Variants in C1QTNF7 observed in about 807,000 individuals in gnomAD.
The protein encoded by C1QTNF7 is complement C1q tumor necrosis factor-related protein 7.
C1QTNF7 carries 15 observed loss-of-function variants against 19.6 expected under a neutral mutation model. That is an observed-to-expected ratio of 0.76 (90% CI 0.51 to 1.18). The LOEUF (loss-of-function observed/expected upper bound fraction) is 1.18. Among genes scored for constraint, C1QTNF7 ranks in the 50% most tolerant of loss-of-function variants. C1QTNF7 has a pLI of 0.00. For synonymous variants in C1QTNF7, 142 were observed against 137.5 expected, an observed-to-expected ratio of 1.03 and a Z score of -0.23; for missense variants, 324 against 359.7, an observed-to-expected ratio of 0.90 and a Z score of 0.80.
intron 1 of C1QTNF7, among the ~76,000 whole-genome samples, chr4:15,406,112 C>G (rs1037546332): frequency 6.6e-6 from 1 of 152,208 alleles, no homozygotes; most frequent in African/African-American, 2.4e-5. Flanking sequence ...GCAGCACTTA[C>G]GCTGTTGGAA....
intron 1 of C1QTNF7, among the ~76,000 whole-genome samples, chr4:15,395,854 A>G (rs573241938): frequency 5.3e-5 from 8 of 152,268 alleles, no homozygotes; most frequent in East Asian, 3.9e-4. Flanking sequence ...TCCTGCCCCT[A>G]TGGTCATCTG....
chr4:15,420,702 G>T (rs1323980680), intron 1 of C1QTNF7, among the ~76,000 whole-genome samples: 1 of 152,062 alleles, frequency 6.6e-6, no homozygotes, highest in Non-Finnish European at 1.5e-5. Context: ...TCACATGGCT[G>T]GACAATGATG....
chr4:15,343,810 A>T (rs1371532698), intron 1 of C1QTNF7, among the ~76,000 whole-genome samples: 1 of 152,218 alleles, frequency 6.6e-6, no homozygotes, highest in East Asian at 1.9e-4. Context: ...TGCCGACTAC[A>T]ATAGAATTAA....
rs549872576 is a variant in C1QTNF7 at position 15,408,931 on chromosome 4, G to A, written c.14-26805G>A. Among the ~76,000 whole-genome samples, 16 of 152,206 alleles carry A rather than the reference G, an allele frequency of 1.1e-4. No individual in the cohort carries two copies. The South Asian group carries it at 3.1e-3, about 30-fold the overall frequency. On this transcript the variant is annotated intron_variant, in intron 1 of 2. Coordinates refer to the C1QTNF7 transcript ENST00000295297. ...GAATTCCCAGCCTCCAGAACTGTGG[G>A]AAATAAATGTCTGTTATTTAAGCCA...
intron 1 of C1QTNF7, among the ~76,000 whole-genome samples, chr4:15,372,492 C>A (rs921210234): frequency 1.3e-5 from 2 of 152,190 alleles, no homozygotes; most frequent in Non-Finnish European, 2.9e-5. Flanking sequence ...GTTTATGCCA[C>A]CCAGTCTATG....
rs1446260861 is a variant in C1QTNF7 at position 15,442,630 on chromosome 4, CCA to C, written c.704_705del (p.Thr235SerfsTer9). 6.2e-7 allele frequency: 1 copy of C among 1,614,202 alleles called. No homozygotes were observed. Among genetic ancestry groups the C allele is most frequent in the East Asian group, 2.2e-5 (1 of 44,890 alleles). On this transcript the variant is annotated frameshift_variant, in exon 3 of 3. Transcript: ENST00000444304. LOFTEE classifies it high-confidence loss of function. Reference sequence around the variant, plus strand: ...GGAAACCATGATGTGGCTTCGGGGTCCACAGTCATCTATCTGCAGCCAGAAGA... The same window carrying C: ...GGAAACCATGATGTGGCTTCGGGGTCCAGTCATCTATCTGCAGCCAGAAGA...
rs2108946750 is a variant in C1QTNF7, at chr4:15,445,579, A to C, written c.*2780A>C. The C allele has an allele frequency of 6.6e-6, 1 of 152,314 alleles. No homozygotes were observed. Among genetic ancestry groups the C allele is most frequent in the Non-Finnish European group, 1.5e-5 (1 of 68,040 alleles). 9.4% of individuals were successfully genotyped at this position (152,314 alleles called of 1,614,324 possible). A position where few individuals can be genotyped will look rare whatever the true frequency, so the allele number is the denominator to read the frequency against. On this transcript the variant is annotated 3_prime_UTR_variant, in exon 3 of 3. Transcript: ENST00000444304. Reference sequence around the variant, plus strand: ...AATATCTGGTGGGATGGTAATGGGGATTAGAGAACTGACATGAGAAAAGAG... The same window carrying C: ...AATATCTGGTGGGATGGTAATGGGGCTTAGAGAACTGACATGAGAAAAGAG...
intron 1 of C1QTNF7, among the ~76,000 whole-genome samples, chr4:15,431,670 C>A (rs1378324531): frequency 6.6e-6 from 1 of 152,012 alleles, no homozygotes; most frequent in Non-Finnish European, 1.5e-5. Flanking sequence ...CATAATTTCT[C>A]ACCAGTTTTT....
intron 1 of C1QTNF7, chr4:15,374,470 T>G: frequency 1.1e-5 from 7 of 665,934 alleles, no homozygotes; most frequent in Non-Finnish European, 9.3e-6. Flanking sequence ...TAAAGAAGGA[T>G]ATTTATTTTT....
At chr4:15,354,727 T>C (rs1560339176) in intron 1 of C1QTNF7, among the ~76,000 whole-genome samples, 1 of 152,012 alleles carries the variant, frequency 6.6e-6, no homozygotes, top group Non-Finnish European at 1.5e-5. Context: ...GGCCCCACAC[T>C]ACACACATGT....
At chr4:15,380,874 G>T (rs932497455) in intron 1 of C1QTNF7, among the ~76,000 whole-genome samples, 3 of 151,874 alleles carry the variant, frequency 2.0e-5, no homozygotes, top group Non-Finnish European at 2.9e-5. Flanking sequence ...GGTGGAGGTT[G>T]CAATGAGCCA....
At position 15,444,357 on chromosome 4, in the gene C1QTNF7, T is replaced by A. The variant is rs1294057163; in HGVS notation, c.*1558T>A. ...TAAAAGTAAATTTTACTGTCGAAAA[T>A]GCAAACTTGGGGAGGGCGGAAACAT... On this transcript the variant is annotated 3_prime_UTR_variant, in exon 3 of 3. Coordinates refer to ENST00000444304, the MANE Select transcript of C1QTNF7 (RefSeq NM_031911.5). The A allele has an allele frequency of 6.6e-6, 1 of 152,066 alleles. No homozygotes were observed. The highest frequency in any genetic ancestry group is 6.6e-5 in the Admixed American group (1 of 15,254). 9.4% of individuals were successfully genotyped at this position (152,066 alleles called of 1,614,324 possible). A position where few individuals can be genotyped will look rare whatever the true frequency, so the allele number is the denominator to read the frequency against.
At chr4:15,404,506 T>C (rs1020852688) in intron 1 of C1QTNF7, among the ~76,000 whole-genome samples, 5 of 152,248 alleles carry the variant, frequency 3.3e-5, no homozygotes, top group African/African-American at 1.2e-4. Flanking sequence ...GCAAGTGTTT[T>C]TTATGCTAGT....
intron 1 of C1QTNF7, chr4:15,374,514 TCAAA>T (rs1010269115): frequency 4.7e-5 from 45 of 964,952 alleles, no homozygotes; most frequent in African/African-American, 3.0e-4. Context: ...TCGGGCTCGA[TCAAA>T]CAATCAGGAG....
chr4:15,433,792 C>G (rs1335654185), intron 1 of C1QTNF7, among the ~76,000 whole-genome samples: 1 of 152,166 alleles, frequency 6.6e-6, no homozygotes, highest in Non-Finnish European at 1.5e-5. Context: ...AAGGTGGCCC[C>G]CTGAGGAAGG....
At chr4:15,403,919 T>A (rs13132446) in intron 1 of C1QTNF7, among the ~76,000 whole-genome samples, 38,558 of 152,138 alleles carry the variant, frequency 0.25, 5,900 homozygotes, top group East Asian at 0.37. Context: ...ATGTCCTCTA[T>A]TTTTAACATT....
chr4:15,359,756 T>C (rs1577233991), intron 1 of C1QTNF7, among the ~76,000 whole-genome samples: 1 of 152,202 alleles, frequency 6.6e-6, no homozygotes, highest in Non-Finnish European at 1.5e-5. Flanking sequence ...GAACTCTTGA[T>C]GACCAGTCTA....
At chr4:15,436,053 C>CT (rs1712524984) in intron 2 of C1QTNF7, 72 bp downstream of exon 2, 1 of 1,538,038 alleles carries the variant, frequency 6.5e-7, no homozygotes, top group Non-Finnish European at 8.7e-7. Flanking sequence ...TTCTTTGTTA[C>CT]TTTTTCTAAT....
At chr4:15,426,487 A>C (rs1177211586), upstream of C1QTNF7, among the ~76,000 whole-genome samples, 15 of 152,258 alleles carry the variant, frequency 9.9e-5, no homozygotes, top group Non-Finnish European at 1.5e-5. Flanking sequence ...GAAAAAGAAG[A>C]AATTCAATTT....
Sources: gnomAD v4.1 joint callset for allele counts (sites outside exome capture counted in the v4.1 genomes callset) on GRCh38, gnomAD v4.1.1 for gene constraint, MANE v1.5 for transcripts, NCBI Gene and HGNC (gene_info 2026-07-23, HGNC 2026-07-21) for gene names.